TNK2: variants seen among roughly 807,000 people sequenced by gnomAD.
The protein encoded by TNK2 is tyrosine kinase non receptor 2, also known as activated CDC42 kinase 1.
In TNK2, 83 loss-of-function variants were observed where a neutral mutation model predicts 101.8. The ratio of observed to expected loss-of-function variants is 0.82; its 90% confidence interval spans 0.68 to 0.98. The LOEUF (loss-of-function observed/expected upper bound fraction) is 0.98. Ranked by LOEUF, TNK2 falls within the 50% of genes least tolerant of loss-of-function variation. The probability of loss-of-function intolerance (pLI) is 0.00; values close to 1 mark genes in which losing one functional copy is unlikely to be tolerated. For synonymous variants in TNK2, 804 were observed against 633.0 expected (o/e 1.27, Z -4.06); for missense variants, 1,665 against 1,483.2 (o/e 1.12, Z -2.01).
chr3:195,881,637 C>T (rs1270152428), intron 6 of TNK2, among the ~76,000 whole-genome samples: 2 of 30,872 alleles, frequency 6.5e-5, no homozygotes, highest in African/African-American at 6.2e-4. Flanking sequence ...CTTGTAACAC[C>T]CCCCCCCCAG....
chr3:195,875,386 G>C (rs946382228), intron 9 of TNK2, among the ~76,000 whole-genome samples: 1 of 116,002 alleles, frequency 8.6e-6, no homozygotes, highest in East Asian at 2.9e-4. Context: ...ACTCCCCCTC[G>C]GGATGGCGCC....
chr3:195,880,051 G>C (rs1270973780), intron 6 of TNK2, among the ~76,000 whole-genome samples: 1 of 152,218 alleles, frequency 6.6e-6, no homozygotes, highest in East Asian at 1.9e-4. Context: ...TGGATCATAA[G>C]GGTTGCCCAC....
chr3:195,867,313 C>G (rs768613582), intron 13 of TNK2, 48 bp downstream of exon 13: 9 of 1,610,370 alleles, frequency 5.6e-6, no homozygotes, highest in Middle Eastern at 3.3e-4. Flanking sequence ...CTGCTCCAGG[C>G]CCCTTGGGCC....
At chr3:195,887,995 C>A (rs992726632) in intron 2 of TNK2, among the ~76,000 whole-genome samples, 1 of 151,420 alleles carries the variant, frequency 6.6e-6, no homozygotes, top group Non-Finnish European at 1.5e-5. Flanking sequence ...CGTGTGCATG[C>A]GTGTGTGCGT....
chr3:195,867,569 G>A lies in TNK2; in HGVS notation c.2729C>T (p.Pro910Leu), dbSNP rs763456446. Reference protein sequence around the residue: ...PTPLPVPLLLPPPSTPAPAAP... With the variant: ...PTPLPVPLLLLPPSTPAPAAP... ...GGCGGGGGCTGGGGTGCTGGGTGGG[G>A]GCAGCAGCAGAGGCACAGGCAGGGG... The change falls in exon 13 of 16, where the codon CCC becomes CTC. Residue 910 changes from proline (P) to leucine (L), a missense_variant. Pro to Leu is a moderately conservative substitution (Grantham distance 98). Coordinates refer to ENST00000672887, the MANE Select transcript of TNK2 (RefSeq NM_001382273.1). 13 of 1,576,240 alleles carry A rather than the reference G, an allele frequency of 8.2e-6. No homozygotes were observed. In the Admixed American group the frequency reaches 1.2e-4, roughly 15 times the overall value.
rs138330429 is a variant in TNK2, at chr3:195,867,632, C to T, written c.2666G>A (p.Arg889His). 1.3e-4 allele frequency: 213 copies of T among 1,600,868 alleles called. 1 individual carries two copies. The African/African-American group carries it at 2.1e-3, about 16-fold the overall frequency. Reference protein sequence around the residue: ...ERPSYLERYQRFLREAQSPEE... With the variant: ...ERPSYLERYQHFLREAQSPEE... Reference sequence around the variant, plus strand: ...GGGGCTCTGGGCCTCACGCAGGAAGCGCTGGTAGCGCTCCAGGTAGGATGG... The same window carrying T: ...GGGGCTCTGGGCCTCACGCAGGAAGTGCTGGTAGCGCTCCAGGTAGGATGG... The change falls in exon 13 of 16, where the codon CGC becomes CAC. Residue 889 changes from arginine to histidine, a missense_variant. Physicochemically the swap from Arg to His is conservative, Grantham distance 29 (BLOSUM62 0). Around this residue, in one of 3 missense-constraint regions of TNK2, gnomAD observed 1,136 missense variants for 894.9 expected, o/e 1.27. Coordinates refer to ENST00000672887, the MANE Select transcript of TNK2 (RefSeq NM_001382273.1).
intron 10 of TNK2, among the ~76,000 whole-genome samples, chr3:195,870,929 G>A (rs563393916): frequency 1.3e-5 from 2 of 151,474 alleles, no homozygotes; most frequent in South Asian, 4.2e-4. Context: ...TCTGGTGTGT[G>A]GGGGCCCGCT....
At chr3:195,870,004 C>T (rs1577002992) in intron 11 of TNK2, 110 bp downstream of exon 11, 2 of 854,282 alleles carry the variant, frequency 2.3e-6, no homozygotes, top group South Asian at 4.0e-5. Context: ...GCTGCCCTGA[C>T]CCCACTGTCC....
At chr3:195,880,145 C>T (rs1297190878) in intron 6 of TNK2, among the ~76,000 whole-genome samples, 1 of 152,078 alleles carries the variant, frequency 6.6e-6, no homozygotes, top group Admixed American at 6.5e-5. Flanking sequence ...GCCTCTGGCA[C>T]CAGAGAACCA....
intron 1 of TNK2, among the ~76,000 whole-genome samples, chr3:195,904,788 C>T (rs1761559950): frequency 6.6e-6 from 1 of 152,068 alleles, no homozygotes; most frequent in Admixed American, 6.6e-5. Flanking sequence ...AGGATATGTT[C>T]AATAAAAGAT....
At position 195,888,343 on chromosome 3, in the gene TNK2, T is replaced by C; in HGVS notation, c.163+83A>G. 1 of 1,457,122 alleles carries C rather than the reference T, an allele frequency of 6.9e-7. No homozygotes were observed. The highest frequency in any genetic ancestry group is 9.4e-7 in the Non-Finnish European group (1 of 1,059,778). The allele number at this position is 1,457,122 out of a possible 1,614,324, so 90.3% of individuals were successfully genotyped here. On this transcript the variant is annotated intron_variant, in intron 2 of 15. Coordinates refer to ENST00000672887, the MANE Select transcript of TNK2 (RefSeq NM_001382273.1). This position sits in a 1 kb window ranked among gnomAD's most constrained non-coding sequence, Gnocchi z 5.3. ...AGGGCTCTGGGACAGAGTTCTCAGCTGCCACCCGTGCACCGAGTGGTCCTG... is the reference window on the plus strand; with the variant it reads ...AGGGCTCTGGGACAGAGTTCTCAGCCGCCACCCGTGCACCGAGTGGTCCTG...
At position 195,868,400 on chromosome 3, in the gene TNK2, G is replaced by C; in HGVS notation, c.1898C>G (p.Pro633Arg). ...TGCGTCCCAGTCCACCACAGGCGTG[G>C]GGTGCAGGGGCCGGGGCAGTGCCCG... ...PTRALPRPLH[P>R]TPVVDWDARP... is the part of the protein sequence containing the mutation. Residue 633 changes from proline to arginine, a missense_variant, in exon 13 of 16, where the codon CCC becomes CGC. Pro to Arg is a moderately radical substitution (Grantham distance 103). Transcript: ENST00000672887. The C allele has an allele frequency of 6.3e-7, 1 of 1,585,738 alleles. No individual in the cohort carries two copies. The highest frequency in any genetic ancestry group is 8.5e-7 in the Non-Finnish European group (1 of 1,172,000).
Position 195,884,974 on chromosome 3 carries a change from G to C in TNK2, c.294C>G (p.Phe98Leu), listed in dbSNP as rs1399848420. ...CCCCAGGGGCGGGCGAGGTCTTCCG[G>C]AAGGTGCTCTGAGAGTGATGAGGTG... The part of the protein sequence containing the change: ...EFPPHHSQST[F>L]RKTSPAPGGP... The change falls in exon 4 of 16, where the codon TTC becomes TTG. Residue 98 changes from phenylalanine to leucine, a missense_variant. Coordinates refer to ENST00000672887, the MANE Select transcript of TNK2 (RefSeq NM_001382273.1). 2 of 1,613,814 alleles carry C rather than the reference G, an allele frequency of 1.2e-6. No individual in the cohort carries two copies. Among genetic ancestry groups the C allele is most frequent in the South Asian group, 1.1e-5 (1 of 91,062 alleles).
chr3:195,872,755 A>G (rs1189317508), intron 9 of TNK2: 1 of 435,994 alleles, frequency 2.3e-6, no homozygotes, highest in Non-Finnish European at 4.1e-6. Context: ...AGCAGGCAAC[A>G]TGACCTGTCC....
intron 1 of TNK2, among the ~76,000 whole-genome samples, chr3:195,893,849 A>G (rs1759558990): frequency 6.6e-6 from 1 of 152,172 alleles, no homozygotes; most frequent in Admixed American, 6.5e-5. Context: ...GGGACTCAGC[A>G]TCCCAGGCTC....
intron 1 of TNK2, chr3:195,892,100 G>T: frequency 1.4e-6 from 1 of 693,606 alleles, no homozygotes; most frequent in Non-Finnish European, 1.9e-6. Flanking sequence ...GGTTCTTTGT[G>T]CAGCACAGGG....
At chr3:195,884,060 G>A (rs1224354206) in intron 4 of TNK2, 1 of 152,240 alleles carries the variant, frequency 6.6e-6, no homozygotes, top group East Asian at 1.9e-4. Context: ...TAAGGACACG[G>A]CTGCTGCACA....
At position 195,867,968 on chromosome 3, in the gene TNK2, C is replaced by A; in HGVS notation, c.2330G>T (p.Gly777Val). ...PHVQLSPAPP[G>V]EEETSQWPGP... Reference sequence around the variant, plus strand: ...AGGCCACTGGCTGGTCTCCTCCTCGCCCGGGGGGGCTGGAGACAGCTGGAC... The same window carrying A: ...AGGCCACTGGCTGGTCTCCTCCTCGACCGGGGGGGCTGGAGACAGCTGGAC... Residue 777 changes from glycine (G) to valine (V), a missense_variant, in exon 13 of 16, where the codon GGC becomes GTC. By Grantham distance (109) the Gly-to-Val change is moderately radical. This residue lies in a region of TNK2 where 1,136 missense variants were observed against 894.9 expected (regional missense o/e 1.27). Transcript: ENST00000672887. 2 of 1,544,986 alleles carry A rather than the reference C, an allele frequency of 1.3e-6. No individual in the cohort carries two copies. The highest frequency in any genetic ancestry group is 2.3e-5 in the East Asian group (1 of 43,438).
chr3:195,880,421 A>G (rs965853900), intron 6 of TNK2, among the ~76,000 whole-genome samples: 6 of 125,024 alleles, frequency 4.8e-5, no homozygotes, highest in African/African-American at 9.3e-5. Context: ...CCCCCCAGCA[A>G]TGCCCCTTGA....
Sources: allele counts gnomAD v4.1 joint callset (sites outside exome capture counted in the v4.1 genomes callset), GRCh38; gene constraint gnomAD v4.1.1; regional missense constraint gnomAD v4.1.1; non-coding constraint Gnocchi (gnomAD v3.1); transcripts MANE v1.5; gene names NCBI Gene and HGNC (gene_info 2026-07-23, HGNC 2026-07-21).